ROPN1: variants seen among roughly 807,000 people sequenced by gnomAD.
ROPN1 encodes the protein rhophilin associated tail protein 1, also known as ropporin-1A.
ROPN1 carries 14 observed loss-of-function variants against 20.5 expected under a neutral mutation model. The observed-to-expected ratio is 0.68, with a 90% CI of 0.45 to 1.07. The LOEUF (loss-of-function observed/expected upper bound fraction) is 1.07. Among genes scored for constraint, ROPN1 ranks in the 50% least tolerant of loss-of-function variants. The pLI is 0.00. For synonymous variants in ROPN1, 76 were observed against 95.7 expected, an observed-to-expected ratio of 0.79 and a Z score of 1.20; for missense variants, 169 against 242.8, an observed-to-expected ratio of 0.70 and a Z score of 2.02.
chr3:123,969,901 C>T, intron 5 of ROPN1, 141 bp downstream of exon 5: 1 of 822,534 alleles, frequency 1.2e-6, no homozygotes. Context: ...TTCCCGTTTT[C>T]TTTCAGATCA....
chr3:123,973,593 C>T (rs572181559), intron 4 of ROPN1, among the ~76,000 whole-genome samples: 96 of 152,310 alleles, frequency 6.3e-4, no homozygotes, highest in African/African-American at 1.9e-3. Flanking sequence ...CTAGCATCTA[C>T]ACCGTGGGCT....
intron 1 of ROPN1, among the ~76,000 whole-genome samples, chr3:123,984,428 C>T (rs996079117): frequency 6.6e-6 from 1 of 152,154 alleles, no homozygotes; most frequent in African/African-American, 2.4e-5. Context: ...CACTAAATCC[C>T]ACTATTTCCT....
chr3:123,974,745 A>G (rs1179857247), intron 4 of ROPN1: 1 of 154,360 alleles, frequency 6.5e-6, no homozygotes, highest in Non-Finnish European at 1.4e-5. Context: ...CATATAAGAT[A>G]CCCAAGCTTT....
chr3:123,972,418 G>A (rs1286984580), intron 4 of ROPN1, among the ~76,000 whole-genome samples: 1 of 152,200 alleles, frequency 6.6e-6, no homozygotes, highest in African/African-American at 2.4e-5. Context: ...CATTTTCAAA[G>A]TTAGAGGTGA....
At chr3:123,984,922 G>A (rs2038221216) in intron 1 of ROPN1, among the ~76,000 whole-genome samples, 1 of 151,924 alleles carries the variant, frequency 6.6e-6, no homozygotes, top group African/African-American at 2.4e-5. Flanking sequence ...TTTTCATACT[G>A]TGCCATAGGC....
chr3:123,969,447 C>T (rs2037869951), intron 5 of ROPN1, among the ~76,000 whole-genome samples: 2 of 152,232 alleles, frequency 1.3e-5, no homozygotes, highest in South Asian at 4.2e-4. Flanking sequence ...AAGCTATTCT[C>T]CCAATTAACT....
chr3:123,983,049 T>C (rs2038180593), intron 1 of ROPN1, among the ~76,000 whole-genome samples: 1 of 152,218 alleles, frequency 6.6e-6, no homozygotes, highest in African/African-American at 2.4e-5. Context: ...TTCCTTTTTT[T>C]TGGATCCATA....
At chr3:123,988,207 A>G (rs2038311930) in intron 1 of ROPN1, among the ~76,000 whole-genome samples, 1 of 151,468 alleles carries the variant, frequency 6.6e-6, no homozygotes, top group African/African-American at 2.4e-5. Context: ...ATGCAGTGGC[A>G]TGAGCTTGGC....
rs35677015 is a variant in ROPN1 at position 123,985,992 on chromosome 3, C to CAAAAAAAAAAAAAAAAAAAAA, written c.-12-5520_-12-5500dup. Among the ~76,000 whole-genome samples the CAAAAAAAAAAAAAAAAAAAAA allele has an allele frequency of 2.3e-3, 50 of 22,138 alleles. 2 individuals carry two copies. Among genetic ancestry groups the CAAAAAAAAAAAAAAAAAAAAA allele is most frequent in the African/African-American group, 4.1e-3 (45 of 11,000 alleles). The allele number at this position is 22,138 out of a possible 152,430, so 14.5% of individuals were successfully genotyped here. A position where few individuals can be genotyped will look rare whatever the true frequency, so the allele number is the denominator to read the frequency against. ...TGGGTGACAGAGCAAGACCTTGTCT[C>CAAAAAAAAAAAAAAAAAAAAA]AAAAAAAAAAAAAAAAAAAAAAAAA... On this transcript the variant is annotated intron_variant, in intron 1 of 5. Coordinates refer to ENST00000405845, the MANE Select transcript of ROPN1 (RefSeq NM_001317774.2).
intron 2 of ROPN1, among the ~76,000 whole-genome samples, chr3:123,978,079 G>A (rs2038060657): frequency 6.6e-6 from 1 of 152,160 alleles, no homozygotes; most frequent in African/African-American, 2.4e-5. Flanking sequence ...TTTTGTAAAA[G>A]TCCATTTCAG....
intron 1 of ROPN1, among the ~76,000 whole-genome samples, chr3:123,981,002 T>C (rs1471604441): frequency 2.0e-5 from 3 of 152,176 alleles, no homozygotes; most frequent in African/African-American, 7.2e-5. Flanking sequence ...TAAACAGCCA[T>C]TTGGTGAGCG....
At chr3:123,985,992 CAAAAAAAA>C (rs35677015) in intron 1 of ROPN1, among the ~76,000 whole-genome samples, 1 of 22,126 alleles carries the variant, frequency 4.5e-5, no homozygotes, top group South Asian at 3.4e-3. Flanking sequence ...GACCTTGTCT[CAAAAAAAA>C]AAAAAAAAAA....
At chr3:123,990,073 A>G (rs933595298) in intron 1 of ROPN1, among the ~76,000 whole-genome samples, 1 of 152,198 alleles carries the variant, frequency 6.6e-6, no homozygotes. Context: ...TTGGACTCTG[A>G]AACACGTTGA....
chr3:123,972,501 C>T (rs1002004830), intron 4 of ROPN1, among the ~76,000 whole-genome samples: 16 of 152,304 alleles, frequency 1.1e-4, no homozygotes, highest in African/African-American at 3.6e-4. Context: ...TTTCTACATA[C>T]GTGATCTCTT....
intron 1 of ROPN1, among the ~76,000 whole-genome samples, chr3:123,986,956 G>C (rs911424091): frequency 2.0e-5 from 3 of 152,232 alleles, no homozygotes; most frequent in African/African-American, 7.2e-5. Flanking sequence ...AGACCAAGGG[G>C]TGCTCAGATC....
intron 3 of ROPN1, among the ~76,000 whole-genome samples, chr3:123,976,295 C>G (rs1385212167): frequency 1.3e-5 from 2 of 152,214 alleles, no homozygotes; most frequent in African/African-American, 2.4e-5. Context: ...CCAAACCGCT[C>G]TGTCCTGGAC....
intron 2 of ROPN1, among the ~76,000 whole-genome samples, chr3:123,978,501 C>T (rs555717980): frequency 6.6e-6 from 1 of 152,284 alleles, no homozygotes; most frequent in African/African-American, 2.4e-5. Context: ...GGTTATTGAG[C>T]TTCATTTGCA....
At chr3:123,973,215 C>T (rs75869581) in intron 4 of ROPN1, among the ~76,000 whole-genome samples, 6,245 of 152,220 alleles carry the variant, frequency 0.041, 445 homozygotes, top group East Asian at 0.35. Flanking sequence ...AGAAACAGTC[C>T]AGCTCCAGCA....
intron 4 of ROPN1, among the ~76,000 whole-genome samples, chr3:123,973,445 A>C (rs1449655354): frequency 6.6e-6 from 1 of 152,150 alleles, no homozygotes; most frequent in African/African-American, 2.4e-5. Context: ...GTGGGGATAG[A>C]ATCACAGGAT....
Sources: allele counts gnomAD v4.1 joint callset (sites outside exome capture counted in the v4.1 genomes callset), GRCh38; gene constraint gnomAD v4.1.1; transcripts MANE v1.5; gene names NCBI Gene and HGNC (gene_info 2026-07-23, HGNC 2026-07-21).